Variants in ADARB1 observed in about 807,000 individuals in gnomAD.
The protein encoded by ADARB1 is double-stranded RNA-specific editase 1.
In ADARB1, 10 loss-of-function variants were observed where a neutral mutation model predicts 52.4. That is an observed-to-expected ratio of 0.19 (90% confidence interval 0.12 to 0.32). The LOEUF is 0.32. ADARB1 is among the 10% of genes least tolerant of loss of function. The pLI is 1.00. For missense variants in ADARB1, 643 were observed against 922.3 expected (o/e 0.70, Z 3.92); for synonymous variants, 349 against 371.1 (o/e 0.94, Z 0.68).
chr21:45,109,292 A>G (rs431775), intron 1 of ADARB1, among the ~76,000 whole-genome samples: 126,190 of 148,438 alleles, frequency 0.85, 53,614 homozygotes, highest in Non-Finnish European at 0.9. Flanking sequence ...GCGCTTGTGC[A>G]TATATGTGTG....
Position 45,198,952 on chromosome 21 carries a change from A to G in ADARB1, c.1566-5603A>G, listed in dbSNP as rs545096552. On this transcript the variant is annotated intron_variant, in intron 8 of 10. Coordinates refer to ENST00000348831, the MANE Select transcript of ADARB1 (RefSeq NM_001112.4). ...TAGTACTTAAAAGTTGAATCCCAAC[A>G]TGGCAATAGAAAACTAACAATATAA... 6.6e-5 allele frequency among the ~76,000 whole-genome samples: 10 copies of G among 152,364 alleles called. No homozygotes were observed. The South Asian group carries it at 2.1e-3, about 32-fold the overall frequency.
At chr21:45,175,244 G>A (rs2091644956) in intron 3 of ADARB1, among the ~76,000 whole-genome samples, 1 of 152,170 alleles carries the variant, frequency 6.6e-6, no homozygotes, top group South Asian at 2.1e-4. Flanking sequence ...TCTTCTGAGA[G>A]ACGCTGCAAT....
At chr21:45,168,189 A>T (rs367986) in intron 2 of ADARB1, among the ~76,000 whole-genome samples, 78,844 of 151,852 alleles carry the variant, frequency 0.52, 20,747 homozygotes, top group South Asian at 0.57. Flanking sequence ...GACTATTTGT[A>T]TATTTTACTG....
At chr21:45,184,823 G>A in intron 7 of ADARB1, 100 bp from the exon 8 acceptor site, 12 of 1,284,684 alleles carry the variant, frequency 9.3e-6, no homozygotes, top group Non-Finnish European at 1.2e-5. Context: ...TATATGCACA[G>A]ACTGTATTTT....
At chr21:45,133,024 C>T (rs978664786) in intron 2 of ADARB1, among the ~76,000 whole-genome samples, 9 of 152,216 alleles carry the variant, frequency 5.9e-5, no homozygotes, top group Non-Finnish European at 1.0e-4. Flanking sequence ...TGCTGGGTGG[C>T]GGCTCATCTG....
chr21:45,173,312 A>G (rs1318960843), intron 3 of ADARB1, among the ~76,000 whole-genome samples: 1 of 152,208 alleles, frequency 6.6e-6, no homozygotes, highest in Non-Finnish European at 1.5e-5. Context: ...GTGTAGTAGC[A>G]TGATACAGAA....
chr21:45,193,457 T>A (rs2092350772), intron 8 of ADARB1, among the ~76,000 whole-genome samples: 1 of 151,046 alleles, frequency 6.6e-6, no homozygotes, highest in South Asian at 2.1e-4. Context: ...AAGGACTGAA[T>A]GTGTTTGCCT....
chr21:45,214,187 T>C (rs770864032), intron 9 of ADARB1, among the ~76,000 whole-genome samples: 68 of 152,360 alleles, frequency 4.5e-4, no homozygotes, highest in Non-Finnish European at 8.8e-4. Flanking sequence ...TGTGCCTTCT[T>C]CAATAAACTG....
intron 1 of ADARB1, among the ~76,000 whole-genome samples, chr21:45,114,427 C>T (rs1039609877): frequency 1.3e-5 from 2 of 152,112 alleles, no homozygotes; most frequent in East Asian, 3.8e-4. Flanking sequence ...ATGCTCAGGC[C>T]CATCCGTCAT....
chr21:45,157,710 AGG>A lies in ADARB1; in HGVS notation c.-47-13898_-47-13897del, dbSNP rs1171954128. Among the ~76,000 whole-genome samples, 1 of 152,142 alleles carries A rather than the reference AGG, an allele frequency of 6.6e-6. No individual in the cohort carries two copies. Among genetic ancestry groups the A allele is most frequent in the Non-Finnish European group, 1.5e-5 (1 of 68,030 alleles). Reference sequence around the variant, plus strand: ...ATATGTGCATAGGGTGGGGGTAACGAGGGAGAGGGACAAGAAGGGCCAGGGCT... The same window carrying A: ...ATATGTGCATAGGGTGGGGGTAACGAGAGAGGGACAAGAAGGGCCAGGGCT... On this transcript the variant is annotated intron_variant, in intron 2 of 10. Coordinates refer to ENST00000348831, the MANE Select transcript of ADARB1 (RefSeq NM_001112.4). The surrounding 1 kb of genome is among the most constrained non-coding windows in gnomAD (Gnocchi z 4.1).
intron 1 of ADARB1, among the ~76,000 whole-genome samples, chr21:45,124,779 G>A (rs1406403229): frequency 1.6e-5 from 2 of 123,366 alleles, no homozygotes; most frequent in Non-Finnish European, 3.5e-5. Context: ...GTGTGTGTGT[G>A]TGTGTGTATG....
Position 45,172,452 on chromosome 21 carries a change from G to A in ADARB1, c.28+768G>A, listed in dbSNP as rs1354124183. Among the ~76,000 whole-genome samples, 4 of 152,196 alleles carry A rather than the reference G, an allele frequency of 2.6e-5. No individual in the cohort carries two copies. Among genetic ancestry groups the A allele is most frequent in the African/African-American group, 9.6e-5 (4 of 41,454 alleles). On this transcript the variant is annotated intron_variant, in intron 3 of 10. Transcript: ENST00000348831. The surrounding 1 kb of genome is among the most constrained non-coding windows in gnomAD (Gnocchi z 4.4). The stretch of plus-strand genomic sequence containing the variant: ...TGCAGCTGTCAATGATGAGTGACAT[G>A]TCACTGGGAGTGATTATTGAGCATT...
At chr21:45,179,688 C>T (rs1280065668) in intron 4 of ADARB1, among the ~76,000 whole-genome samples, 4 of 152,058 alleles carry the variant, frequency 2.6e-5, no homozygotes, top group Admixed American at 6.6e-5. Flanking sequence ...TCTATCGTAC[C>T]GTCTGGGCGA....
rs1318180704 is a variant in ADARB1 at position 45,221,027 on chromosome 21, C to T, written c.1926+13C>T. 13 of 1,596,432 alleles carry T rather than the reference C, an allele frequency of 8.1e-6. 1 individual carries two copies. The South Asian group carries it at 1.2e-4, about 15-fold the overall frequency. On this transcript the variant is annotated intron_variant, in intron 10 of 10. Coordinates refer to ENST00000348831, the MANE Select transcript of ADARB1 (RefSeq NM_001112.4). This position sits in a 1 kb window ranked among gnomAD's most constrained non-coding sequence, Gnocchi z 4.9. ...TGTGCACGGCAAGGTACTGAGGCGC[C>T]CTCACCGCAATGCGCCGGCTCCACC...
intron 9 of ADARB1, among the ~76,000 whole-genome samples, chr21:45,218,481 G>A (rs114952427): frequency 0.01 from 1,583 of 152,268 alleles, 16 homozygotes; most frequent in African/African-American, 0.036. Flanking sequence ...AGCCTTGATT[G>A]AGTAACATGC....
intron 1 of ADARB1, among the ~76,000 whole-genome samples, chr21:45,101,581 G>C (rs1351688192): frequency 2.0e-5 from 3 of 152,208 alleles, no homozygotes; most frequent in Admixed American, 1.3e-4. Flanking sequence ...TCCTGTACTG[G>C]AGTTTAAAGG....
At chr21:45,121,845 T>C (rs1423838886) in intron 1 of ADARB1, among the ~76,000 whole-genome samples, 4 of 152,226 alleles carry the variant, frequency 2.6e-5, no homozygotes, top group Non-Finnish European at 5.9e-5. Flanking sequence ...TCTGTACGTA[T>C]ATGGTGTGTT....
intron 8 of ADARB1, among the ~76,000 whole-genome samples, chr21:45,198,522 TAC>T (rs139768691): frequency 6.7e-5 from 10 of 148,602 alleles, no homozygotes; most frequent in African/African-American, 1.2e-4. Context: ...CACACACACA[TAC>T]ACACACACAC....
Position 45,134,609 on chromosome 21 carries a change from G to A in ADARB1, c.-48+6036G>A, listed in dbSNP as rs1320533028. 4 of 380,218 alleles carry A rather than the reference G, an allele frequency of 1.1e-5. No homozygotes were observed. In the Admixed American group the frequency reaches 1.3e-4, roughly 12 times the overall value. 23.6% of individuals were successfully genotyped at this position (380,218 alleles called of 1,614,324 possible). ...GACAGAGGCGTGGCTTAGTGTTCAG[G>A]GTCCATAGTACATGAAGAATCCTAC... On this transcript the variant is annotated intron_variant, in intron 2 of 10. Coordinates refer to ENST00000348831, the MANE Select transcript of ADARB1 (RefSeq NM_001112.4).
Sources: gnomAD v4.1 joint callset for allele counts (sites outside exome capture counted in the v4.1 genomes callset) on GRCh38, gnomAD v4.1.1 for gene constraint, Gnocchi (gnomAD v3.1) non-coding constraint, MANE v1.5 for transcripts, NCBI Gene and HGNC (gene_info 2026-07-23, HGNC 2026-07-21) for gene names.